The following VPS41 variants were observed in gnomAD, a reference collection of about 807,000 sequenced individuals.
VPS41 encodes VPS41 subunit of HOPS complex, also known as vacuolar protein sorting-associated protein 41 homolog.
VPS41 carries 85 observed loss-of-function variants against 130.9 expected under a neutral mutation model. That is an observed-to-expected ratio of 0.65 (90% CI 0.55 to 0.78). The LOEUF (loss-of-function observed/expected upper bound fraction) is 0.78. Ranked by LOEUF, VPS41 falls within the 30% of genes least tolerant of loss-of-function variation. The pLI is 0.00. For synonymous variants in VPS41, 335 were observed against 332.9 expected, an observed-to-expected ratio of 1.01 and a Z score of -0.07; for missense variants, 874 against 1,018.7, an observed-to-expected ratio of 0.86 and a Z score of 1.93.
At chr7:38,826,555 G>GGAGTGAATCAACAAATGGCCACCT in intron 5 of VPS41, among the ~76,000 whole-genome samples, 1 of 152,114 alleles carries the variant, frequency 6.6e-6, no homozygotes, top group Non-Finnish European at 1.5e-5. Context: ...CAATTACTAA[G>GGAGTGAATCAACAAATGGCCACCT]TGATTTTTCT....
intron 13 of VPS41, 34 bp downstream of exon 13, chr7:38,772,488 G>C: frequency 7.2e-7 from 1 of 1,383,634 alleles, no homozygotes; most frequent in Non-Finnish European, 1.0e-6. Flanking sequence ...CTGTAGATGA[G>C]TCAATACTTT....
intron 2 of VPS41, among the ~76,000 whole-genome samples, chr7:38,884,809 C>T (rs1417315909): frequency 6.6e-6 from 1 of 152,164 alleles, no homozygotes; most frequent in Non-Finnish European, 1.5e-5. Flanking sequence ...CTCTGGAACC[C>T]TCATCTGGTA....
At chr7:38,769,777 C>T (rs73368217) in intron 14 of VPS41, among the ~76,000 whole-genome samples, 7,554 of 152,212 alleles carry the variant, frequency 0.05, 637 homozygotes, top group African/African-American at 0.17. Context: ...GTCTCATGAC[C>T]TTCCACCTGG....
At chr7:38,825,513 G>A (rs1785254290) in intron 5 of VPS41, among the ~76,000 whole-genome samples, 1 of 151,998 alleles carries the variant, frequency 6.6e-6, no homozygotes, top group Non-Finnish European at 1.5e-5. Context: ...TCTGTAAAGG[G>A]AATCCCTCCG....
chr7:38,767,729 G>T, intron 14 of VPS41, 131 bp from the exon 15 acceptor site: 1 of 468,454 alleles, frequency 2.1e-6, no homozygotes, highest in Admixed American at 3.8e-5. Flanking sequence ...TATACTCTTA[G>T]CTTGCTTTAT....
chr7:38,740,420 C>T (rs1795858251), intron 25 of VPS41, among the ~76,000 whole-genome samples: 1 of 152,154 alleles, frequency 6.6e-6, no homozygotes, highest in South Asian at 2.1e-4. Flanking sequence ...TTTCTGGATT[C>T]CTAGGGCGTG....
intron 17 of VPS41, among the ~76,000 whole-genome samples, chr7:38,759,871 G>C (rs947067011): frequency 6.6e-5 from 10 of 152,080 alleles, no homozygotes; most frequent in African/African-American, 2.4e-4. Flanking sequence ...CAGCACAACT[G>C]ACCGTGGCAG....
intron 5 of VPS41, among the ~76,000 whole-genome samples, chr7:38,827,406 C>T (rs1241683840): frequency 6.6e-6 from 1 of 152,078 alleles, no homozygotes; most frequent in Admixed American, 6.5e-5. Flanking sequence ...CTATGTATTG[C>T]CAAAAGGAGG....
At chr7:38,751,349 C>T (rs1169775624) in intron 22 of VPS41, among the ~76,000 whole-genome samples, 1 of 152,188 alleles carries the variant, frequency 6.6e-6, no homozygotes, top group Non-Finnish European at 1.5e-5. Flanking sequence ...TTTAGTCAGA[C>T]ATTTGTAGAT....
At chr7:38,762,968 A>T (rs551143871) in intron 17 of VPS41, among the ~76,000 whole-genome samples, 1 of 152,320 alleles carries the variant, frequency 6.6e-6, no homozygotes, top group East Asian at 1.9e-4. Flanking sequence ...ATGAAAAAAT[A>T]AGAGTTCAAT....
rs551741771 is a variant in VPS41 at position 38,839,878 on chromosome 7, T to C, written c.247-9550A>G. Reference sequence around the variant, plus strand: ...ATTAATCAAACAAGCAATCCTGAAGTTGGAGAACTTTCATGAAGCTCTCTT... The same window carrying C: ...ATTAATCAAACAAGCAATCCTGAAGCTGGAGAACTTTCATGAAGCTCTCTT... On this transcript the variant is annotated intron_variant, in intron 4 of 28. Coordinates refer to ENST00000310301, the MANE Select transcript of VPS41 (RefSeq NM_014396.4). 6.6e-5 allele frequency among the ~76,000 whole-genome samples: 10 copies of C among 152,314 alleles called. No individual in the cohort carries two copies. The East Asian group carries it at 1.9e-3, about 29-fold the overall frequency.
chr7:38,844,825 T>C (rs940448344), intron 4 of VPS41, among the ~76,000 whole-genome samples: 3 of 152,136 alleles, frequency 2.0e-5, no homozygotes, highest in African/African-American at 7.2e-5. Context: ...GCAACTTCAT[T>C]TGACCCCTAA....
At chr7:38,763,753 T>C (rs182948965) in intron 16 of VPS41, among the ~76,000 whole-genome samples, 17 of 152,336 alleles carry the variant, frequency 1.1e-4, no homozygotes, top group Admixed American at 6.5e-4. Flanking sequence ...TATACATGTA[T>C]GAATGAATTT....
chr7:38,895,405 T>C (rs1209671969), intron 2 of VPS41, among the ~76,000 whole-genome samples: 1 of 152,226 alleles, frequency 6.6e-6, no homozygotes, highest in Non-Finnish European at 1.5e-5. Context: ...TTATAGACAT[T>C]CAACTCATGA....
chr7:38,894,752 G>A lies in VPS41; in HGVS notation c.60+3339C>T, dbSNP rs548374434. 6.6e-5 allele frequency among the ~76,000 whole-genome samples: 10 copies of A among 152,176 alleles called. No homozygotes were observed. In the South Asian group the frequency reaches 2.1e-3, roughly 32 times the overall value. ...CACAAGGTATGGCCATGATACAAAT[G>A]AGGGTCCACCTCCAGTTCTTTAGCA... On this transcript the variant is annotated intron_variant, in intron 2 of 28. Coordinates refer to ENST00000310301, the MANE Select transcript of VPS41 (RefSeq NM_014396.4).
At chr7:38,857,706 G>A (rs562005382) in intron 4 of VPS41, among the ~76,000 whole-genome samples, 5 of 152,146 alleles carry the variant, frequency 3.3e-5, no homozygotes, top group South Asian at 2.1e-4. Flanking sequence ...TAAAATACTC[G>A]AAGAGATTTA....
chr7:38,758,129 G>A lies in VPS41; in HGVS notation c.1550+225C>T, dbSNP rs13229181. Among the ~76,000 whole-genome samples the A allele has an allele frequency of 9.7e-3, 1,476 of 152,214 alleles. 7 individuals are homozygous for A. The highest frequency in any genetic ancestry group is 0.024 in the Middle Eastern group (7 of 294). On this transcript the variant is annotated intron_variant, in intron 18 of 28. Coordinates refer to ENST00000310301, the MANE Select transcript of VPS41 (RefSeq NM_014396.4). ...CCACTGCCTCTCCCAAGCGCTGTGC[G>A]TTAGGGGTTCTCTTCTCTGGGAAAC...
At chr7:38,791,521 G>T (rs1784536023) in intron 9 of VPS41, among the ~76,000 whole-genome samples, 1 of 152,172 alleles carries the variant, frequency 6.6e-6, no homozygotes, top group Non-Finnish European at 1.5e-5. Context: ...ACTGAAGTGT[G>T]ACAGGGAAGT....
At chr7:38,853,414 T>A (rs10229445) in intron 4 of VPS41, among the ~76,000 whole-genome samples, 3 of 136,734 alleles carry the variant, frequency 2.2e-5, no homozygotes, top group Admixed American at 7.5e-5. Flanking sequence ...GCGAGACTCC[T>A]TCTCAAAAAA....
Sources: allele counts gnomAD v4.1 joint callset (sites outside exome capture counted in the v4.1 genomes callset), GRCh38; gene constraint gnomAD v4.1.1; transcripts MANE v1.5; gene names NCBI Gene and HGNC (gene_info 2026-07-23, HGNC 2026-07-21).